The following PLPP1 variants were observed in gnomAD, a reference collection of about 807,000 sequenced individuals.
PLPP1 encodes phospholipid phosphatase 1.
In PLPP1, 24 loss-of-function variants were observed where a neutral mutation model predicts 31.2. The observed-to-expected ratio is 0.77, with a 90% CI of 0.56 to 1.08. PLPP1 has a LOEUF of 1.08. Ranked by LOEUF, PLPP1 falls within the 50% of genes least tolerant of loss-of-function variation. The pLI is 0.00. For synonymous variants in PLPP1, 146 were observed against 126.3 expected (o/e 1.16, Z -1.05); for missense variants, 319 against 342.7 (o/e 0.93, Z 0.55).
At chr5:55,425,791 A>ATT (rs3217330) in intron 5 of PLPP1, 72 bp downstream of exon 5, 17,381 of 965,538 alleles carry the variant, frequency 0.018, 1 homozygote, top group South Asian at 0.026. Flanking sequence ...GATTTTTTGG[A>ATT]TTTTTTTTTT....
At chr5:55,432,657 A>G (rs1337717211) in intron 4 of PLPP1, among the ~76,000 whole-genome samples, 2 of 47,576 alleles carry the variant, frequency 4.2e-5, no homozygotes, top group African/African-American at 1.2e-4. Flanking sequence ...ATTCAACAAC[A>G]CATCAAAAAG....
intron 1 of PLPP1, among the ~76,000 whole-genome samples, chr5:55,528,225 A>C (rs1232104525): frequency 6.6e-6 from 1 of 152,214 alleles, no homozygotes; most frequent in Non-Finnish European, 1.5e-5. Flanking sequence ...AAGAAAAAAA[A>C]AAGCAGCAGC....
intron 1 of PLPP1, among the ~76,000 whole-genome samples, chr5:55,514,835 A>G (rs1368331635): frequency 6.6e-6 from 1 of 152,254 alleles, no homozygotes; most frequent in African/African-American, 2.4e-5. Context: ...TAAGATGAAG[A>G]AGGAAGGATT....
chr5:55,487,986 G>A (rs888332660), intron 1 of PLPP1, among the ~76,000 whole-genome samples: 20 of 152,068 alleles, frequency 1.3e-4, no homozygotes, highest in South Asian at 8.3e-4. Flanking sequence ...AAAATTAGCC[G>A]AGTGTGGTGG....
chr5:55,511,647 T>C (rs191512530), intron 1 of PLPP1, among the ~76,000 whole-genome samples: 59 of 140,922 alleles, frequency 4.2e-4, no homozygotes, highest in Non-Finnish European at 7.6e-4. Context: ...TAACACGTGT[T>C]GAGTTTTTTT....
At chr5:55,444,812 G>A (rs1344814303) in intron 3 of PLPP1, among the ~76,000 whole-genome samples, 1 of 142,486 alleles carries the variant, frequency 7.0e-6, no homozygotes, top group Non-Finnish European at 1.5e-5. Context: ...GTGCAGTGGC[G>A]TGATTTGGCT....
intron 1 of PLPP1, among the ~76,000 whole-genome samples, chr5:55,519,552 C>A (rs559113071): frequency 5.3e-5 from 8 of 152,000 alleles, no homozygotes; most frequent in Non-Finnish European, 7.4e-5. Flanking sequence ...AGTTCAAGAC[C>A]ACCCTGGCCC....
chr5:55,463,041 C>T (rs1752201274), intron 3 of PLPP1, among the ~76,000 whole-genome samples: 2 of 152,060 alleles, frequency 1.3e-5, no homozygotes, highest in South Asian at 2.1e-4. Flanking sequence ...TGCAGGGACA[C>T]GCATGAAGCT....
intron 1 of PLPP1, among the ~76,000 whole-genome samples, chr5:55,501,291 C>T (rs776695427): frequency 6.6e-6 from 1 of 151,812 alleles, no homozygotes; most frequent in African/African-American, 2.4e-5. Flanking sequence ...CCAGCCTGGA[C>T]AACAAAAGCA....
chr5:55,432,319 T>A (rs1193410751), intron 4 of PLPP1, among the ~76,000 whole-genome samples: 1 of 152,074 alleles, frequency 6.6e-6, no homozygotes, highest in Non-Finnish European at 1.5e-5. Context: ...ATACATACAA[T>A]CTTCCAAGAT....
rs1753196754 is a variant in PLPP1, at chr5:55,503,778, A to G, written c.59-28328T>C. Among the ~76,000 whole-genome samples, 3 of 137,938 alleles carry G rather than the reference A, an allele frequency of 2.2e-5. No individual in the cohort carries two copies. In the Admixed American group the frequency reaches 2.2e-4, roughly 10 times the overall value. The allele number at this position is 137,938 out of a possible 152,430, so 90.5% of individuals were successfully genotyped here. A position where few individuals can be genotyped will look rare whatever the true frequency, so the allele number is the denominator to read the frequency against. Reference sequence around the variant, plus strand: ...TGGGCAACAGAGAGAGGCTGTCTCAAAACGAAGGAGAGGAAGGGGAGGAAG... The same window carrying G: ...TGGGCAACAGAGAGAGGCTGTCTCAGAACGAAGGAGAGGAAGGGGAGGAAG... On this transcript the variant is annotated intron_variant, in intron 1 of 5. Coordinates refer to ENST00000307259, the MANE Select transcript of PLPP1 (RefSeq NM_003711.4).
chr5:55,490,503 T>C (rs1752867012), intron 1 of PLPP1, among the ~76,000 whole-genome samples: 1 of 152,178 alleles, frequency 6.6e-6, no homozygotes. Flanking sequence ...CATATATTTG[T>C]GGTCTTTCTG....
intron 2 of PLPP1, among the ~76,000 whole-genome samples, chr5:55,471,761 TA>T (rs1561236049): frequency 6.6e-6 from 1 of 152,224 alleles, no homozygotes; most frequent in African/African-American, 2.4e-5. Flanking sequence ...GTTAAATGTA[TA>T]CAAGTCTAAC....
At chr5:55,462,701 C>A (rs1220982660) in intron 3 of PLPP1, among the ~76,000 whole-genome samples, 1 of 152,144 alleles carries the variant, frequency 6.6e-6, no homozygotes, top group African/African-American at 2.4e-5. Flanking sequence ...CAGCTGGGCG[C>A]AGTGGCTCAC....
chr5:55,457,322 T>C (rs1752038681), intron 3 of PLPP1, among the ~76,000 whole-genome samples: 1 of 152,120 alleles, frequency 6.6e-6, no homozygotes, highest in South Asian at 2.1e-4. Context: ...TGTAGAAATT[T>C]TAAATAGGTA....
At chr5:55,512,727 C>CACACACACATAA (rs973567015) in intron 1 of PLPP1, among the ~76,000 whole-genome samples, 5 of 151,236 alleles carry the variant, frequency 3.3e-5, no homozygotes, top group Non-Finnish European at 7.4e-5. Flanking sequence ...ATAAACTACA[C>CACACACACATAA]ACACACACAC....
At chr5:55,512,331 C>T (rs1175208039) in intron 1 of PLPP1, among the ~76,000 whole-genome samples, 23 of 151,300 alleles carry the variant, frequency 1.5e-4, no homozygotes, top group African/African-American at 4.9e-4. Flanking sequence ...ATTAGCCAGG[C>T]GTGGTGGCAG....
At chr5:55,481,825 T>C (rs1466165100) in intron 1 of PLPP1, among the ~76,000 whole-genome samples, 2 of 152,010 alleles carry the variant, frequency 1.3e-5, no homozygotes, top group East Asian at 3.9e-4. Flanking sequence ...ATCAGTACTT[T>C]CCACAATGCT....
intron 1 of PLPP1, among the ~76,000 whole-genome samples, chr5:55,488,437 G>C (rs888272619): frequency 3.3e-5 from 5 of 152,046 alleles, no homozygotes; most frequent in Non-Finnish European, 5.9e-5. Flanking sequence ...CCTGAGGTCA[G>C]GAATTCAAGA....
Sources: allele counts gnomAD v4.1 joint callset (sites outside exome capture counted in the v4.1 genomes callset), GRCh38; gene constraint gnomAD v4.1.1; transcripts MANE v1.5; gene names NCBI Gene and HGNC (gene_info 2026-07-23, HGNC 2026-07-21).